DNAH14: variants seen among roughly 807,000 people sequenced by gnomAD.
DNAH14 encodes dynein axonemal heavy chain 14, also known as axonemal beta dynein heavy chain 14.
DNAH14 carries 478 observed loss-of-function variants against 520.9 expected under a neutral mutation model. That is an observed-to-expected ratio of 0.92 (90% CI 0.85 to 0.99). The LOEUF is 0.99. Among genes scored for constraint, DNAH14 ranks in the 50% least tolerant of loss-of-function variants. The pLI is 0.00. For missense variants in DNAH14, 4,831 were observed against 5,234.5 expected (o/e 0.92, Z 2.38); for synonymous variants, 1,581 against 1,757.2 (o/e 0.90, Z 2.51).
rs2092846434 is a variant in DNAH14, at chr1:225,259,213, T to G, written c.7117T>G (p.Leu2373Val). The change falls in exon 46 of 86, where the codon TTA becomes GTA. Residue 2373 changes from leucine to valine, a missense_variant. Leu to Val is a conservative substitution (Grantham distance 32). Transcript: ENST00000682510. ...ATTTGACATAAAACATGGTTCAATT[T>G]TAGGAGACACCCTATTATATAGTGA... ...GAFDIKHGSI[L>V]GDTLLYSEIK... 6.5e-7 allele frequency: 1 copy of G among 1,537,930 alleles called. No homozygotes were observed. The highest frequency in any genetic ancestry group is 8.8e-7 in the Non-Finnish European group (1 of 1,138,346).
intron 43 of DNAH14, among the ~76,000 whole-genome samples, chr1:225,243,051 A>C (rs2092063063): frequency 6.6e-6 from 1 of 152,224 alleles, no homozygotes; most frequent in Non-Finnish European, 1.5e-5. Flanking sequence ...ATTAACCTTT[A>C]ATCCAAAAGC....
At chr1:225,198,835 A>T (rs1183869124) in intron 38 of DNAH14, among the ~76,000 whole-genome samples, 1 of 152,146 alleles carries the variant, frequency 6.6e-6, no homozygotes, top group African/African-American at 2.4e-5. Flanking sequence ...TTTTGGTATT[A>T]GGGTGATACT....
At position 225,144,561 on chromosome 1, in the gene DNAH14, A is replaced by G. The variant is rs1472377278; in HGVS notation, c.4673A>G (p.Asn1558Ser). 4 of 1,551,478 alleles carry G rather than the reference A, an allele frequency of 2.6e-6. No individual in the cohort carries two copies. The African/African-American group carries it at 5.5e-5, about 21-fold the overall frequency. Residue 1558 changes from asparagine (N) to serine (S), a missense_variant, in exon 29 of 86, where the codon AAT (asparagine) becomes AGT (serine). Transcript: ENST00000682510. ...ACTCTCATGGAAGCACTACACTTGA[A>G]TCTAGGAGGCTGTCCTGCCGGTCCA... ...WLTLMEALHL[N>S]LGGCPAGPAG...
chr1:224,992,400 A>G (rs1054086605), intron 8 of DNAH14, among the ~76,000 whole-genome samples: 11 of 152,066 alleles, frequency 7.2e-5, no homozygotes, highest in Non-Finnish European at 1.5e-5. Flanking sequence ...TTTTATTAAC[A>G]TTTTATAGTT....
intron 10 of DNAH14, among the ~76,000 whole-genome samples, chr1:225,023,016 A>G (rs1405498497): frequency 3.9e-5 from 6 of 152,178 alleles, no homozygotes; most frequent in Non-Finnish European, 8.8e-5. Flanking sequence ...ACATATCTTC[A>G]CATATAAGTG....
chr1:224,986,686 A>G (rs2062668455), intron 8 of DNAH14, among the ~76,000 whole-genome samples: 2 of 152,216 alleles, frequency 1.3e-5, no homozygotes, highest in Non-Finnish European at 2.9e-5. Flanking sequence ...TCAACATAAT[A>G]AAAGCCATGT....
Position 225,290,090 on chromosome 1 carries a change from C to A in DNAH14, c.8469+8C>A. On this transcript the variant is annotated splice_region_variant and intron_variant, in intron 55 of 85. Transcript: ENST00000682510. ...AATTTAAACATAGAACAAGTAAGTA[C>A]TTTTTGTCTTTGCTATTTGCTGAAG... 1.4e-6 allele frequency: 2 copies of A among 1,404,108 alleles called. No homozygotes were observed. The highest frequency in any genetic ancestry group is 1.9e-6 in the Non-Finnish European group (2 of 1,066,710). The allele number at this position is 1,404,108 out of a possible 1,614,324, so 87.0% of individuals were successfully genotyped here. A position where few individuals can be genotyped will look rare whatever the true frequency, so the allele number is the denominator to read the frequency against.
In DNAH14 at chr1:225,379,677, A is replaced by G. The variant is rs149937128; in HGVS notation, c.12717-482A>G. ...TGAGTAGCTCAGACTACAGGCGCCC[A>G]CCATGCCTGGCTAACTTTTGTATTT... On this transcript the variant is annotated intron_variant, in intron 79 of 85. Coordinates refer to ENST00000682510, the MANE Select transcript of DNAH14 (RefSeq NM_001367479.1). Among the ~76,000 whole-genome samples the G allele has an allele frequency of 2.3e-4, 35 of 152,064 alleles. No homozygotes were observed. In the East Asian group the frequency reaches 6.4e-3, roughly 28 times the overall value.
intron 54 of DNAH14, among the ~76,000 whole-genome samples, chr1:225,281,228 T>A (rs2093621004): frequency 6.6e-6 from 1 of 152,214 alleles, no homozygotes; most frequent in Non-Finnish European, 1.5e-5. Flanking sequence ...GAGAATCTGT[T>A]CCTTTTCTTT....
chr1:225,000,524 C>G (rs76946770), intron 8 of DNAH14, among the ~76,000 whole-genome samples: 4,187 of 149,862 alleles, frequency 0.028, 83 homozygotes, highest in Non-Finnish European at 0.043. Context: ...GACACAAATG[C>G]TAGATCAATT....
rs751981719 is a variant in DNAH14 at position 225,324,781 on chromosome 1, C to T, written c.9672C>T (p.Val3224=). Residue 3224 remains valine (V), a synonymous_variant, in exon 64 of 86, where the codon GTC becomes GTT. Transcript: ENST00000682510. The part of the protein sequence containing the change: ...KQIQVAEAQN[V]LKIARQRLAE... The stretch of plus-strand genomic sequence containing the variant: ...TCCAAGTAGCTGAAGCTCAAAACGT[C>T]CTTAAAATTGCGCGACAAAGACTTG... 2.4e-5 allele frequency: 37 copies of T among 1,551,430 alleles called. 1 individual carries two copies. In the South Asian group the frequency reaches 4.0e-4, roughly 17 times the overall value.
chr1:225,038,363 C>G (rs1326227864), intron 11 of DNAH14, among the ~76,000 whole-genome samples: 1 of 151,886 alleles, frequency 6.6e-6, no homozygotes, highest in African/African-American at 2.4e-5. Context: ...GTTAAATCTG[C>G]TTGGTGGTCT....
At chr1:224,990,273 G>A (rs1460326235) in intron 8 of DNAH14, among the ~76,000 whole-genome samples, 3 of 152,136 alleles carry the variant, frequency 2.0e-5, no homozygotes, top group Non-Finnish European at 4.4e-5. Context: ...ATTAAATCAA[G>A]CTAGTTAACA....
chr1:225,230,300 A>T lies in DNAH14; in HGVS notation c.6440-773A>T, dbSNP rs543620129. 3.2e-4 allele frequency among the ~76,000 whole-genome samples: 49 copies of T among 152,270 alleles called. 1 individual carries two copies. The highest frequency in any genetic ancestry group is 1.1e-3 in the African/African-American group (47 of 41,572). ...TAACAAAGAGACAGGCCTAAAAAGC[A>T]GAATCAGCACTCAACTCTGTTTTTA... On this transcript the variant is annotated intron_variant, in intron 41 of 85. Coordinates refer to ENST00000682510, the MANE Select transcript of DNAH14 (RefSeq NM_001367479.1).
intron 1 of DNAH14, among the ~76,000 whole-genome samples, chr1:224,942,310 G>C (rs9426147): frequency 2.0e-5 from 3 of 152,000 alleles, no homozygotes; most frequent in African/African-American, 7.3e-5. Context: ...CTCTCTGTCC[G>C]TTATTGGTGT....
chr1:225,159,407 T>C lies in DNAH14; in HGVS notation c.5367T>C (p.Asp1789=), dbSNP rs2081333087. 6.5e-7 allele frequency: 1 copy of C among 1,550,220 alleles called. No homozygotes were observed. The highest frequency in any genetic ancestry group is 1.2e-5 in the South Asian group (1 of 83,614). Residue 1789 remains aspartate (D), a synonymous_variant, in exon 35 of 86, where the codon GAT becomes GAC. Transcript: ENST00000682510. ...EASLPKCPPE[D]VPLFENIIGD... ...GTTTGCCAAAATGTCCTCCTGAAGA[T>C]GTCCCACTTTTTGAAAATATTATAG...
At chr1:225,068,469 C>A (rs1010605008) in intron 17 of DNAH14, among the ~76,000 whole-genome samples, 7 of 151,982 alleles carry the variant, frequency 4.6e-5, no homozygotes, top group African/African-American at 1.7e-4. Context: ...AAATAGTTTT[C>A]TCTAGTTCTG....
At chr1:225,333,007 A>G (rs2094835072) in intron 65 of DNAH14, among the ~76,000 whole-genome samples, 1 of 152,142 alleles carries the variant, frequency 6.6e-6, no homozygotes, top group African/African-American at 2.4e-5. Flanking sequence ...CCTGTCTCTA[A>G]AAGAAAAAAA....
At chr1:225,115,685 C>T (rs542152028) in intron 23 of DNAH14, among the ~76,000 whole-genome samples, 17 of 152,250 alleles carry the variant, frequency 1.1e-4, no homozygotes, top group African/African-American at 2.6e-4. Flanking sequence ...TAATAATAGC[C>T]GGTTTACCAA....
Sources: gnomAD v4.1 joint callset for allele counts (sites outside exome capture counted in the v4.1 genomes callset) on GRCh38, gnomAD v4.1.1 for gene constraint, MANE v1.5 for transcripts, NCBI Gene and HGNC (gene_info 2026-07-23, HGNC 2026-07-21) for gene names.